Variants in GARS1 observed in about 807,000 individuals in gnomAD.
GARS1 encodes glycyl-tRNA synthetase 1, also known as glycine--tRNA ligase.
Under a neutral mutation model 86.4 loss-of-function variants are expected in GARS1, and 46 were observed. The observed-to-expected ratio is 0.53, with a 90% CI of 0.42 to 0.68. The LOEUF (loss-of-function observed/expected upper bound fraction) is 0.68. Ranked by LOEUF, GARS1 falls within the 30% of genes least tolerant of loss-of-function variation. GARS1 has a pLI of 0.00. For missense variants in GARS1, 797 were observed against 915.6 expected, an observed-to-expected ratio of 0.87 and a Z score of 1.67; for synonymous variants, 342 against 329.8, an observed-to-expected ratio of 1.04 and a Z score of -0.40.
At chr7:30,623,756 C>A (rs1245278500) in intron 12 of GARS1, among the ~76,000 whole-genome samples, 1 of 152,096 alleles carries the variant, frequency 6.6e-6, no homozygotes. Context: ...CGAAGATGAC[C>A]ACATGAAGAC....
At chr7:30,603,177 TTC>T in intron 5 of GARS1, 55 bp downstream of exon 5, 1 of 1,376,994 alleles carries the variant, frequency 7.3e-7, no homozygotes, top group Non-Finnish European at 1.0e-6. Context: ...GGTTTAAACT[TTC>T]TCTCAGATGT....
chr7:30,632,419 G>A lies in GARS1; in HGVS notation c.2076G>A (p.Met692Ile), dbSNP rs1361156386. 6.2e-7 allele frequency: 1 copy of A among 1,614,168 alleles called. No homozygotes were observed. The highest frequency in any genetic ancestry group is 2.2e-5 in the East Asian group (1 of 44,888). ...HTATLRDRDSMRQIRAEISEL... is the reference protein window; with the variant it reads ...HTATLRDRDSIRQIRAEISEL... ...CAACTCTGAGGGACCGTGACTCAAT[G>A]CGGCAGATAAGAGCAGAGGTATCTG... Residue 692 changes from methionine to isoleucine, a missense_variant, in exon 16 of 17, where the codon ATG becomes ATA. Physicochemically the swap from Met to Ile is conservative, Grantham distance 10 (BLOSUM62 1). This residue lies in a region of GARS1 where 598 missense variants were observed against 738.7 expected (regional missense o/e 0.81). Transcript: ENST00000389266. This position sits in a 1 kb window ranked among gnomAD's most constrained non-coding sequence, Gnocchi z 4.1.
At chr7:30,623,895 G>A (rs958957250) in intron 12 of GARS1, among the ~76,000 whole-genome samples, 2 of 152,116 alleles carry the variant, frequency 1.3e-5, no homozygotes, top group Non-Finnish European at 2.9e-5. Context: ...CAAAAACTGC[G>A]CGGATCACAA....
At chr7:30,629,639 G>A (rs1186564689) in intron 14 of GARS1, among the ~76,000 whole-genome samples, 4 of 152,054 alleles carry the variant, frequency 2.6e-5, no homozygotes, top group Non-Finnish European at 4.4e-5. Flanking sequence ...GTGAGTTCTC[G>A]GCACCAGTAC....
chr7:30,612,069 A>G, intron 7 of GARS1, 27 bp from the exon 8 acceptor site: 1 of 1,598,876 alleles, frequency 6.3e-7, no homozygotes, highest in Non-Finnish European at 8.6e-7. Flanking sequence ...CTTTCTTTGT[A>G]ACAGACTGAC....
intron 10 of GARS1, among the ~76,000 whole-genome samples, 155 bp from the exon 11 acceptor site, chr7:30,621,238 A>C (rs891056097): frequency 2.0e-5 from 3 of 152,140 alleles, no homozygotes; most frequent in African/African-American, 7.2e-5. Context: ...ATATGAGGCT[A>C]TTCCCATTTC....
chr7:30,597,452 T>C (rs11980069), intron 1 of GARS1, among the ~76,000 whole-genome samples: 2,354 of 152,306 alleles, frequency 0.015, 61 homozygotes, highest in African/African-American at 0.054. Context: ...TTTTTCCTTT[T>C]CCACCTACAT....
chr7:30,609,828 A>C, intron 7 of GARS1, 98 bp downstream of exon 7: 1 of 1,060,210 alleles, frequency 9.4e-7, no homozygotes, highest in South Asian at 1.3e-5. Flanking sequence ...AAAATTTTTA[A>C]AAAGTGATAT....
Position 30,617,172 on chromosome 7 carries a change from C to T in GARS1, c.1253C>T (p.Thr418Met), listed in dbSNP as rs746139865. Residue 418 changes from threonine (T) to methionine (M), a missense_variant, in exon 10 of 17, where the codon ACG (threonine) becomes ATG (methionine). By Grantham distance (81) the Thr-to-Met change is moderately conservative. This residue lies in a region of GARS1 where 598 missense variants were observed against 738.7 expected (regional missense o/e 0.81). Coordinates refer to ENST00000389266, the MANE Select transcript of GARS1 (RefSeq NM_002047.4). ...YFIGRIYLYL[T>M]KVGISPDKLR... ...ATTGGCCGCATCTACCTCTACCTCA[C>T]GAAGGTTGGAATATCTCCAGATAAA... 9.3e-6 allele frequency: 15 copies of T among 1,613,912 alleles called. No homozygotes were observed. The highest frequency in any genetic ancestry group is 1.1e-5 in the Non-Finnish European group (13 of 1,179,940).
intron 11 of GARS1, chr7:30,622,091 C>T (rs926530994): frequency 3.6e-6 from 2 of 556,552 alleles, no homozygotes; most frequent in Admixed American, 5.9e-5. Context: ...TCTTTTTTCT[C>T]ACTGTAACTG....
At chr7:30,633,616 C>T in intron 16 of GARS1, 119 bp from the exon 17 acceptor site, 6 of 1,222,348 alleles carry the variant, frequency 4.9e-6, no homozygotes, top group South Asian at 1.2e-5. Flanking sequence ...AGAGCATGAA[C>T]CCATGCCTGG....
At chr7:30,600,122 G>A in intron 3 of GARS1, 73 bp downstream of exon 3, 1 of 1,121,782 alleles carries the variant, frequency 8.9e-7, no homozygotes, top group Non-Finnish European at 1.4e-6. Flanking sequence ...CAAGAACATG[G>A]CTTGCCTGTT....
chr7:30,625,310 G>A (rs1000799310), intron 12 of GARS1, among the ~76,000 whole-genome samples: 16 of 152,180 alleles, frequency 1.1e-4, no homozygotes, highest in African/African-American at 3.4e-4. Flanking sequence ...GAGAATGCAT[G>A]TGACACTGTG....
chr7:30,613,523 A>G (rs1782821373), intron 8 of GARS1, among the ~76,000 whole-genome samples: 1 of 152,226 alleles, frequency 6.6e-6, no homozygotes, highest in Admixed American at 6.5e-5. Context: ...GGGTTTACAC[A>G]GAGTAGCTAT....
chr7:30,623,741 A>G (rs1426458280), intron 12 of GARS1, among the ~76,000 whole-genome samples: 1 of 152,206 alleles, frequency 6.6e-6, no homozygotes, highest in Non-Finnish European at 1.5e-5. Flanking sequence ...CAAGCAGGAT[A>G]AACACGAAGA....
intron 1 of GARS1, 61 bp downstream of exon 1, chr7:30,595,204 T>C: frequency 1.4e-6 from 2 of 1,399,476 alleles, no homozygotes; most frequent in Non-Finnish European, 2.0e-6. Flanking sequence ...CTTCTTCTGG[T>C]CATCCTTCCC....
chr7:30,632,420 C>A lies in GARS1; in HGVS notation c.2077C>A (p.Arg693=), dbSNP rs753078831. ...AACTCTGAGGGACCGTGACTCAATGCGGCAGATAAGAGCAGAGGTATCTGG... is the reference window on the plus strand; with the variant it reads ...AACTCTGAGGGACCGTGACTCAATGAGGCAGATAAGAGCAGAGGTATCTGG... The part of the protein sequence containing the change: ...TATLRDRDSM[R]QIRAEISELP... The change falls in exon 16 of 17, where the codon CGG becomes AGG. Residue 693 remains arginine (R), a synonymous_variant. Transcript: ENST00000389266. This position sits in a 1 kb window ranked among gnomAD's most constrained non-coding sequence, Gnocchi z 4.1. 6 of 1,613,988 alleles carry A rather than the reference C, an allele frequency of 3.7e-6. No individual in the cohort carries two copies. The highest frequency in any genetic ancestry group is 1.6e-4 in the Middle Eastern group (1 of 6,082).
intron 5 of GARS1, among the ~76,000 whole-genome samples, 174 bp from the exon 6 acceptor site, chr7:30,603,322 A>G (rs749563928): frequency 1.5e-4 from 23 of 152,256 alleles, no homozygotes; most frequent in Non-Finnish European, 1.8e-4. Context: ...TAATTTTTCT[A>G]ATTAGCAAAT....
At chr7:30,624,161 GC>G (rs1328144534) in intron 12 of GARS1, among the ~76,000 whole-genome samples, 1 of 151,790 alleles carries the variant, frequency 6.6e-6, no homozygotes, top group Non-Finnish European at 1.5e-5. Context: ...TATTTTATGT[GC>G]AGTCCGAGAC....
Sources: allele counts gnomAD v4.1 joint callset (sites outside exome capture counted in the v4.1 genomes callset), GRCh38; gene constraint gnomAD v4.1.1; regional missense constraint gnomAD v4.1.1; non-coding constraint Gnocchi (gnomAD v3.1); transcripts MANE v1.5; gene names NCBI Gene and HGNC (gene_info 2026-07-23, HGNC 2026-07-21).